The following PRDM4 variants were observed in gnomAD, a reference collection of about 807,000 sequenced individuals.
PRDM4 encodes the protein PR domain zinc finger protein 4.
A neutral mutation model predicts 62.3 loss-of-function variants in PRDM4; 38 were observed. The observed-to-expected ratio is 0.61, with a 90% CI of 0.47 to 0.80. The LOEUF (loss-of-function observed/expected upper bound fraction) is 0.80. Ranked by LOEUF, PRDM4 falls within the 30% of genes least tolerant of loss-of-function variation. The probability of loss-of-function intolerance (pLI) is 0.00; values close to 1 mark genes in which losing one functional copy is unlikely to be tolerated. For missense variants in PRDM4, 858 were observed against 997.1 expected (o/e 0.86, Z 1.88); for synonymous variants, 339 against 348.2 (o/e 0.97, Z 0.30).
At position 107,760,505 on chromosome 12, in the gene PRDM4, C is replaced by T; in HGVS notation, c.11G>A (p.Arg4Lys). The change falls in exon 2 of 12, where the codon AGG becomes AAG. Residue 4 changes from arginine to lysine, a missense_variant and splice_region_variant. Transcript: ENST00000228437. ...TGCTGAAGCCCACCTCCCTACTCAC[C>T]TGTGATGCATCGGCTTGGGGCCAAA... MHHRMNEMNLSPVG... is the reference protein window; with the variant it reads MHHKMNEMNLSPVG... 2 of 1,613,602 alleles carry T rather than the reference C, an allele frequency of 1.2e-6. No individual in the cohort carries two copies. The highest frequency in any genetic ancestry group is 1.7e-6 in the Non-Finnish European group (2 of 1,179,788).
At chr12:107,739,158 G>T in intron 11 of PRDM4, 1 of 460,464 alleles carries the variant, frequency 2.2e-6, no homozygotes, top group Non-Finnish European at 3.8e-6. Flanking sequence ...GAGTACATGT[G>T]AAAAGTAAGA....
Position 107,741,033 on chromosome 12 carries a change from T to C in PRDM4, c.1837A>G (p.Met613Val), listed in dbSNP as rs138588917. The stretch of plus-strand genomic sequence containing the variant: ...TCACACTTGTGGGGCTTCATACCCA[T>C]GTGACCCATAAAGTGGACATGAAGT... ...SKLHVHFMGH[M>V]GMKPHKCDFC... Residue 613 changes from methionine (M) to valine (V), a missense_variant, in exon 10 of 12, where the codon ATG (methionine) becomes GTG (valine). Coordinates refer to ENST00000228437, the MANE Select transcript of PRDM4 (RefSeq NM_012406.4). 62 of 1,614,068 alleles carry C rather than the reference T, an allele frequency of 3.8e-5. No homozygotes were observed. The highest frequency in any genetic ancestry group is 4.7e-5 in the Non-Finnish European group (56 of 1,180,044).
rs191205892 is a variant in PRDM4, at chr12:107,741,265, T to A, written c.1610-5A>T. 3.5e-3 allele frequency: 5,579 copies of A among 1,586,208 alleles called. 11 individuals are homozygous for A. Among genetic ancestry groups the A allele is most frequent in the Non-Finnish European group, 4.2e-3 (4,880 of 1,163,810 alleles). The stretch of plus-strand genomic sequence containing the variant: ...CATCTGGGTGTTCAGGAACACCTTT[T>A]AAAAAAAAATTACTCATTATCTCCC... On this transcript the variant is annotated splice_polypyrimidine_tract_variant and splice_region_variant and intron_variant, in intron 9 of 11. Transcript: ENST00000228437.
chr12:107,742,418 T>C lies in PRDM4; in HGVS notation c.1482-70A>G, dbSNP rs78015902. 1.2e-3 allele frequency: 1,844 copies of C among 1,519,700 alleles called. 24 individuals carry two copies. The African/African-American group carries it at 0.021, about 17-fold the overall frequency. 94.1% of individuals were successfully genotyped at this position (1,519,700 alleles called of 1,614,324 possible). A position where few individuals can be genotyped will look rare whatever the true frequency, so the allele number is the denominator to read the frequency against. On this transcript the variant is annotated intron_variant, in intron 8 of 11. Transcript: ENST00000228437. ...GCATACTAAGTACAACATTCCCCCATTGCAAAATCCTATATGAAAGCTTAG... is the reference window on the plus strand; with the variant it reads ...GCATACTAAGTACAACATTCCCCCACTGCAAAATCCTATATGAAAGCTTAG...
intron 11 of PRDM4, among the ~76,000 whole-genome samples, chr12:107,735,410 T>C (rs1028522308): frequency 6.6e-6 from 1 of 152,190 alleles, no homozygotes; most frequent in Admixed American, 6.5e-5. Context: ...CATAATGGTA[T>C]CTCATTACAC....
At chr12:107,760,799 C>T (rs1891221200) in intron 1 of PRDM4, 28 bp from the exon 2 acceptor site, 1 of 417,706 alleles carries the variant, frequency 2.4e-6, no homozygotes, top group African/African-American at 2.1e-5. Flanking sequence ...AGAGCGGTCA[C>T]CAAAACCACA....
chr12:107,756,662 C>T (rs1891074471), intron 3 of PRDM4, among the ~76,000 whole-genome samples, 170 bp downstream of exon 3: 1 of 152,226 alleles, frequency 6.6e-6, no homozygotes, highest in Non-Finnish European at 1.5e-5. Context: ...TCTACCTCTA[C>T]AAAAACCTTA....
At chr12:107,744,202 A>T (rs539937567) in intron 7 of PRDM4, among the ~76,000 whole-genome samples, 91 of 152,344 alleles carry the variant, frequency 6.0e-4, no homozygotes, top group Non-Finnish European at 1.0e-3. Context: ...GGAATGTTTT[A>T]ATTACAAAGT....
intron 8 of PRDM4, among the ~76,000 whole-genome samples, 165 bp downstream of exon 8, chr12:107,743,032 G>T (rs1890571108): frequency 1.3e-5 from 2 of 152,180 alleles, no homozygotes; most frequent in Admixed American, 6.5e-5. Flanking sequence ...CACCCCAAGT[G>T]CTGGGATTAA....
At chr12:107,749,396 C>G (rs967082686) in intron 5 of PRDM4, among the ~76,000 whole-genome samples, 1 of 130,110 alleles carries the variant, frequency 7.7e-6, no homozygotes, top group Non-Finnish European at 1.6e-5. Context: ...TTTCTGTTTG[C>G]TTTTTTTTTT....
chr12:107,743,620 G>A (rs1033092913), intron 7 of PRDM4, among the ~76,000 whole-genome samples: 7 of 152,190 alleles, frequency 4.6e-5, no homozygotes. Context: ...ATGACTGAAT[G>A]TCCATTAAGG....
At chr12:107,734,821 T>G (rs1216835839) in intron 11 of PRDM4, among the ~76,000 whole-genome samples, 1 of 152,238 alleles carries the variant, frequency 6.6e-6, no homozygotes, top group African/African-American at 2.4e-5. Context: ...CAAGCTGCTG[T>G]ATCAGTTGTT....
chr12:107,761,016 G>T lies in PRDM4; in HGVS notation c.-316C>A, dbSNP rs1242251035. ...CACTGCTTTGTTCCTCATCCGGGCA[G>T]AGTTCGCCTCGGGGCCCTGCCCGTC... On this transcript the variant is annotated 5_prime_UTR_variant, in exon 1 of 12. The change creates a new upstream start codon in the 5' untranslated region. Transcript: ENST00000228437. 6.6e-6 allele frequency: 1 copy of T among 150,840 alleles called. No individual in the cohort carries two copies. Among genetic ancestry groups the T allele is most frequent in the Non-Finnish European group, 1.5e-5 (1 of 67,696 alleles). The allele number at this position is 150,840 out of a possible 1,614,324, so 9.3% of individuals were successfully genotyped here.
chr12:107,742,515 G>A, intron 8 of PRDM4, 167 bp from the exon 9 acceptor site: 2 of 727,632 alleles, frequency 2.7e-6, no homozygotes, highest in Non-Finnish European at 2.2e-6. Flanking sequence ...GGCAGTTGTA[G>A]AGAAACAGAA....
intron 2 of PRDM4, 104 bp downstream of exon 2, chr12:107,760,401 G>A: frequency 1.4e-6 from 2 of 1,467,760 alleles, no homozygotes; most frequent in Non-Finnish European, 9.4e-7. Context: ...AATCACACCT[G>A]TAACCTTCTC....
chr12:107,734,852 T>C (rs777416333), intron 11 of PRDM4, among the ~76,000 whole-genome samples: 27 of 152,244 alleles, frequency 1.8e-4, no homozygotes, highest in Non-Finnish European at 2.9e-4. Flanking sequence ...CACTGCTGTA[T>C]ACTATTTACA....
At chr12:107,759,335 G>A (rs1446090490) in intron 2 of PRDM4, among the ~76,000 whole-genome samples, 1 of 152,050 alleles carries the variant, frequency 6.6e-6, no homozygotes, top group Non-Finnish European at 1.5e-5. Flanking sequence ...GGCTTGAGTT[G>A]GTTTAAAACA....
intron 5 of PRDM4, among the ~76,000 whole-genome samples, chr12:107,751,110 T>C (rs182783668): frequency 7.9e-5 from 12 of 152,304 alleles, no homozygotes; most frequent in African/African-American, 2.9e-4. Context: ...GCCTCCAGAA[T>C]AGCTGGGACT....
At chr12:107,735,190 G>A (rs1890289869) in intron 11 of PRDM4, among the ~76,000 whole-genome samples, 1 of 152,050 alleles carries the variant, frequency 6.6e-6, no homozygotes, top group South Asian at 2.1e-4. Flanking sequence ...TACTTGTATG[G>A]TGCTCTGCAA....
Sources: allele counts gnomAD v4.1 joint callset (sites outside exome capture counted in the v4.1 genomes callset), GRCh38; gene constraint gnomAD v4.1.1; transcripts MANE v1.5; gene names NCBI Gene and HGNC (gene_info 2026-07-23, HGNC 2026-07-21).